STIM1: variants seen among roughly 807,000 people sequenced by gnomAD.
STIM1 encodes the protein stromal interaction molecule 1.
Under a neutral mutation model 74.7 loss-of-function variants are expected in STIM1, and 25 were observed. That is an observed-to-expected ratio of 0.33 (90% CI 0.24 to 0.47). The LOEUF is 0.47. Ranked by LOEUF, STIM1 falls within the 20% of genes least tolerant of loss-of-function variation. The probability of loss-of-function intolerance (pLI) is 1.00; values close to 1 mark genes in which losing one functional copy is unlikely to be tolerated. For synonymous variants in STIM1, 328 were observed against 348.8 expected, an observed-to-expected ratio of 0.94 and a Z score of 0.66; for missense variants, 728 against 920.8, an observed-to-expected ratio of 0.79 and a Z score of 2.71.
At chr11:3,956,723 TAA>T (rs2093217847) in intron 1 of STIM1, among the ~76,000 whole-genome samples, 1 of 145,724 alleles carries the variant, frequency 6.9e-6, no homozygotes. Flanking sequence ...TATGAGAGGC[TAA>T]GGCAGGAGGA....
chr11:4,063,096 T>G (rs1242408595), intron 5 of STIM1, among the ~76,000 whole-genome samples: 2 of 152,130 alleles, frequency 1.3e-5, no homozygotes, highest in Non-Finnish European at 2.9e-5. Context: ...ATTAGTGGTT[T>G]CTGGGGCTGG....
Position 4,091,994 on chromosome 11 carries a change from T to G in STIM1, c.*196T>G, listed in dbSNP as rs1335895493. On this transcript the variant is annotated 3_prime_UTR_variant, in exon 13 of 13. Transcript: ENST00000526596. The stretch of plus-strand genomic sequence containing the variant: ...TATTTATTAACTGACCACCATGGCC[T>G]GCCTGCCCTGCCTCCGTCCCAACCA... The G allele has an allele frequency of 1.4e-6, 1 of 717,908 alleles. No individual in the cohort carries two copies. The highest frequency in any genetic ancestry group is 2.3e-6 in the Non-Finnish European group (1 of 432,364). 44.5% of individuals were successfully genotyped at this position (717,908 alleles called of 1,614,324 possible).
chr11:4,033,236 T>A (rs1002510110), intron 3 of STIM1, among the ~76,000 whole-genome samples: 8 of 152,170 alleles, frequency 5.3e-5, no homozygotes, highest in African/African-American at 1.9e-4. Context: ...TTGGTACCAG[T>A]ACCATGCTAT....
At chr11:3,936,659 G>A (rs978516290) in intron 1 of STIM1, among the ~76,000 whole-genome samples, 6 of 152,216 alleles carry the variant, frequency 3.9e-5, no homozygotes, top group African/African-American at 1.4e-4. Context: ...TGTTCTGAGA[G>A]TGACCTTAGT....
At chr11:3,938,346 C>T (rs191811068) in intron 1 of STIM1, among the ~76,000 whole-genome samples, 20 of 150,290 alleles carry the variant, frequency 1.3e-4, no homozygotes, top group Admixed American at 1.2e-3. Flanking sequence ...TCATTTTCTT[C>T]AGCTTTGCAT....
intron 3 of STIM1, among the ~76,000 whole-genome samples, chr11:4,044,447 A>G (rs1312355064): frequency 6.6e-6 from 1 of 152,194 alleles, no homozygotes; most frequent in Non-Finnish European, 1.5e-5. Context: ...CCTTGGGGAC[A>G]GGGAGCCCTG....
At chr11:3,923,926 T>A (rs565788448) in intron 1 of STIM1, among the ~76,000 whole-genome samples, 1 of 152,214 alleles carries the variant, frequency 6.6e-6, no homozygotes, top group Admixed American at 6.5e-5. Context: ...ATCTATAGAT[T>A]GGGAGAACTG....
At chr11:3,964,627 A>G (rs1032914873) in intron 1 of STIM1, among the ~76,000 whole-genome samples, 1 of 151,922 alleles carries the variant, frequency 6.6e-6, no homozygotes, top group Non-Finnish European at 1.5e-5. Context: ...TTGGTAAACT[A>G]TTTCCATTAT....
At chr11:3,987,000 C>G (rs932393246) in intron 2 of STIM1, among the ~76,000 whole-genome samples, 15 of 152,318 alleles carry the variant, frequency 9.8e-5, no homozygotes, top group Non-Finnish European at 1.8e-4. Flanking sequence ...TATCTAGCCA[C>G]TTGGTGTCTT....
chr11:3,923,625 AG>A (rs1414356199), intron 1 of STIM1, among the ~76,000 whole-genome samples: 2 of 151,100 alleles, frequency 1.3e-5, no homozygotes, highest in Admixed American at 6.6e-5. Flanking sequence ...AAAAAAAAAA[AG>A]GTCATTCTTT....
At chr11:3,906,328 G>A (rs1009789072) in intron 1 of STIM1, among the ~76,000 whole-genome samples, 4 of 152,196 alleles carry the variant, frequency 2.6e-5, no homozygotes, top group African/African-American at 4.8e-5. Context: ...TACCTCAGGC[G>A]AGTCATTCTC....
chr11:4,045,721 G>A (rs942580750), intron 3 of STIM1, among the ~76,000 whole-genome samples: 1 of 150,970 alleles, frequency 6.6e-6, no homozygotes, highest in African/African-American at 2.4e-5. Flanking sequence ...CTATGTGCTG[G>A]GATTATAGTC....
chr11:4,030,244 G>T (rs1173649703), intron 3 of STIM1, among the ~76,000 whole-genome samples: 2 of 150,612 alleles, frequency 1.3e-5, no homozygotes, highest in Non-Finnish European at 3.0e-5. Context: ...CTGGAGAATT[G>T]TTTGAACCCA....
intron 1 of STIM1, among the ~76,000 whole-genome samples, chr11:3,929,550 G>C (rs2092832346): frequency 6.6e-6 from 1 of 152,064 alleles, no homozygotes; most frequent in Non-Finnish European, 1.5e-5. Context: ...TTTAGACTTG[G>C]GCTTATAAAT....
intron 2 of STIM1, among the ~76,000 whole-genome samples, chr11:4,023,311 G>A (rs966583276): frequency 2.6e-5 from 4 of 151,258 alleles, no homozygotes; most frequent in Admixed American, 6.6e-5. Flanking sequence ...CCTGGGTGAC[G>A]AGCGAGACTC....
intron 1 of STIM1, among the ~76,000 whole-genome samples, chr11:3,935,875 C>T (rs1262128523): frequency 6.6e-6 from 1 of 152,230 alleles, no homozygotes; most frequent in African/African-American, 2.4e-5. Context: ...GAACTAACTA[C>T]ATTATACATA....
Position 4,008,957 on chromosome 11 carries a change from CTTAAGT to C in STIM1, c.271-14909_271-14904del, listed in dbSNP as rs75468813. Among the ~76,000 whole-genome samples the C allele has an allele frequency of 5.1e-3, 776 of 152,090 alleles. 5 individuals carry two copies. Among genetic ancestry groups the C allele is most frequent in the Non-Finnish European group, 7.5e-3 (508 of 68,006 alleles). On this transcript the variant is annotated intron_variant, in intron 2 of 12. Coordinates refer to ENST00000526596, the MANE Select transcript of STIM1 (RefSeq NM_001382567.1). ...TTTGATATGGAGAATTGATTTTTTC[CTTAAGT>C]TTAAGTAAAAGGTTAATAAAAACAT... is the stretch of plus-strand genomic sequence containing the variant.
At chr11:3,986,704 A>G (rs1014899920) in intron 2 of STIM1, among the ~76,000 whole-genome samples, 1 of 152,150 alleles carries the variant, frequency 6.6e-6, no homozygotes, top group Admixed American at 6.5e-5. Flanking sequence ...GGCAAAAAAT[A>G]TGGCAACTCT....
chr11:3,905,516 G>A (rs1056693688), intron 1 of STIM1, among the ~76,000 whole-genome samples: 2 of 152,046 alleles, frequency 1.3e-5, no homozygotes, highest in South Asian at 2.1e-4. Flanking sequence ...AAACTGTGCT[G>A]CTCTGCTGAA....
Sources: gnomAD v4.1 joint callset for allele counts (sites outside exome capture counted in the v4.1 genomes callset) on GRCh38, gnomAD v4.1.1 for gene constraint, MANE v1.5 for transcripts, NCBI Gene and HGNC (gene_info 2026-07-23, HGNC 2026-07-21) for gene names.